TNFRSF8: variants seen among roughly 807,000 people sequenced by gnomAD.
The protein encoded by TNFRSF8 is TNF receptor superfamily member 8, also known as tumor necrosis factor receptor superfamily member 8.
Under a neutral mutation model 70.8 loss-of-function variants are expected in TNFRSF8, and 26 were observed. The observed-to-expected ratio is 0.37, with a 90% CI of 0.27 to 0.51. The LOEUF is 0.51. Among genes scored for constraint, TNFRSF8 ranks in the 20% least tolerant of loss-of-function variants. The pLI, the probability that TNFRSF8 is intolerant of heterozygous loss-of-function variation, is 0.94. For synonymous variants in TNFRSF8, 356 were observed against 339.2 expected (o/e 1.05, Z -0.54); for missense variants, 720 against 807.9 (o/e 0.89, Z 1.32).
At chr1:12,086,914 C>T (rs1641161778) in intron 2 of TNFRSF8, among the ~76,000 whole-genome samples, 1 of 152,064 alleles carries the variant, frequency 6.6e-6, no homozygotes, top group South Asian at 2.1e-4. Context: ...TACAGTCACA[C>T]TGGGGTTAGG....
Position 12,142,263 on chromosome 1 carries a change from C to G in TNFRSF8, c.1544-24C>G. 6.4e-7 allele frequency: 1 copy of G among 1,555,244 alleles called. No individual in the cohort carries two copies. Among genetic ancestry groups the G allele is most frequent in the Non-Finnish European group, 8.7e-7 (1 of 1,146,498 alleles). Reference sequence around the variant, plus strand: ...CTGGCTGGTGCTCTGGCCTCCCTCGCTCACCCATCCTTTTGCCTTGCAGAG... The same window carrying G: ...CTGGCTGGTGCTCTGGCCTCCCTCGGTCACCCATCCTTTTGCCTTGCAGAG... On this transcript the variant is annotated intron_variant, in intron 14 of 14. Coordinates refer to ENST00000263932, the MANE Select transcript of TNFRSF8 (RefSeq NM_001243.5). The surrounding 1 kb of genome is among the most constrained non-coding windows in gnomAD (Gnocchi z 5.0).
intron 1 of TNFRSF8, among the ~76,000 whole-genome samples, chr1:12,067,122 A>G (rs1640755824): frequency 6.6e-6 from 1 of 152,126 alleles, no homozygotes; most frequent in African/African-American, 2.4e-5. Context: ...ATGACCCAGG[A>G]TTAACTGGTG....
At chr1:12,130,187 C>T (rs893806729) in intron 12 of TNFRSF8, among the ~76,000 whole-genome samples, 6 of 152,192 alleles carry the variant, frequency 3.9e-5, no homozygotes, top group East Asian at 3.8e-4. Flanking sequence ...GGATGACAGG[C>T]GTGAGCTGCC....
At position 12,142,397 on chromosome 1, in the gene TNFRSF8, C is replaced by G; in HGVS notation, c.1654C>G (p.Leu552Val). The change falls in exon 15 of 15, where the codon CTG becomes GTG. Residue 552 changes from leucine to valine, a missense_variant. Leu to Val is a conservative substitution (Grantham distance 32). Coordinates refer to ENST00000263932, the MANE Select transcript of TNFRSF8 (RefSeq NM_001243.5). This position sits in a 1 kb window ranked among gnomAD's most constrained non-coding sequence, Gnocchi z 5.0. ...AGCAGAGCCCGAGTTGGAGGAGGAGCTGGAGGCGGACCATACCCCCCACTA... is the reference window on the plus strand; with the variant it reads ...AGCAGAGCCCGAGTTGGAGGAGGAGGTGGAGGCGGACCATACCCCCCACTA... ...GPAEPELEEELEADHTPHYPE... is the reference protein window; with the variant it reads ...GPAEPELEEEVEADHTPHYPE... 6.2e-7 allele frequency: 1 copy of G among 1,612,482 alleles called. No individual in the cohort carries two copies. The highest frequency in any genetic ancestry group is 8.5e-7 in the Non-Finnish European group (1 of 1,179,492).
In TNFRSF8 at chr1:12,109,711, C is replaced by T; in HGVS notation, c.512+55C>T. The T allele has an allele frequency of 1.4e-6, 2 of 1,462,254 alleles. No homozygotes were observed. The highest frequency in any genetic ancestry group is 2.3e-5 in the South Asian group (2 of 86,838). The allele number at this position is 1,462,254 out of a possible 1,614,324, so 90.6% of individuals were successfully genotyped here. On this transcript the variant is annotated intron_variant, in intron 5 of 14. Coordinates refer to ENST00000263932, the MANE Select transcript of TNFRSF8 (RefSeq NM_001243.5). The surrounding 1 kb of genome is among the most constrained non-coding windows in gnomAD (Gnocchi z 4.4). ...CCCCCAAGCTGGCTTTCAGATGAGG[C>T]TGCCCCACCCCACAGGACGCCCATG...
At chr1:12,079,014 T>C (rs541079292) in intron 1 of TNFRSF8, among the ~76,000 whole-genome samples, 1 of 152,074 alleles carries the variant, frequency 6.6e-6, no homozygotes, top group African/African-American at 2.4e-5. Context: ...GCGGTGGAGA[T>C]CCCCAGGAGA....
rs1461809977 is a variant in TNFRSF8, at chr1:12,138,321, G to A, written c.1428G>A (p.Gly476=). 2 of 1,613,806 alleles carry A rather than the reference G, an allele frequency of 1.2e-6. No individual in the cohort carries two copies. The highest frequency in any genetic ancestry group is 1.7e-6 in the Non-Finnish European group (2 of 1,179,978). The stretch of plus-strand genomic sequence containing the variant: ...TGATGGAGACCTGCCACAGCGTGGG[G>A]GCAGCCTACCTGGAGAGCCTGCCGC... ...QPLMETCHSV[G]AAYLESLPLQ... The change falls in exon 14 of 15, where the codon GGG becomes GGA. Residue 476 remains glycine, a synonymous_variant. Transcript: ENST00000263932. This position sits in a 1 kb window ranked among gnomAD's most constrained non-coding sequence, Gnocchi z 5.7.
At chr1:12,127,142 C>G (rs762977946) in intron 12 of TNFRSF8, among the ~76,000 whole-genome samples, 2 of 152,232 alleles carry the variant, frequency 1.3e-5, no homozygotes, top group Non-Finnish European at 2.9e-5. Context: ...GTGCCAAGCA[C>G]CTTCTCTCTC....
chr1:12,065,835 T>G (rs1284962795), intron 1 of TNFRSF8, among the ~76,000 whole-genome samples: 1 of 152,226 alleles, frequency 6.6e-6, no homozygotes, highest in Non-Finnish European at 1.5e-5. Context: ...TCTTTCTTTG[T>G]TCTCTACTAC....
chr1:12,127,337 G>T (rs1431733513), intron 12 of TNFRSF8, among the ~76,000 whole-genome samples: 1 of 152,226 alleles, frequency 6.6e-6, no homozygotes, highest in African/African-American at 2.4e-5. Context: ...CAAGGAGGAG[G>T]CAGGGCTCAG....
At position 12,110,069 on chromosome 1, in the gene TNFRSF8, C is replaced by T. The variant is rs752220875; in HGVS notation, c.541C>T (p.Pro181Ser). 9.9e-6 allele frequency: 16 copies of T among 1,613,262 alleles called. No homozygotes were observed. The highest frequency in any genetic ancestry group is 1.4e-5 in the Non-Finnish European group (16 of 1,179,658). Residue 181 changes from proline (P) to serine (S), a missense_variant, in exon 6 of 15, where the codon CCG becomes TCG. Physicochemically the swap from Pro to Ser is moderately conservative, Grantham distance 74 (BLOSUM62 -1). Transcript: ENST00000263932. The surrounding 1 kb of genome is among the most constrained non-coding windows in gnomAD (Gnocchi z 4.0). The stretch of plus-strand genomic sequence containing the variant: ...CACCATCCCCCAGGCCAAGCCCACC[C>T]CGGTGTCCCCAGCAACCTCCAGTGC... ...SGTIPQAKPT[P>S]VSPATSSAST... is the part of the protein sequence containing the mutation.
intron 1 of TNFRSF8, among the ~76,000 whole-genome samples, chr1:12,073,411 A>G (rs938217869): frequency 1.3e-5 from 2 of 151,354 alleles, no homozygotes; most frequent in Non-Finnish European, 3.0e-5. Context: ...CTTTTCCTTC[A>G]GGTCCACTAT....
chr1:12,079,040 T>TG (rs1641016759), intron 1 of TNFRSF8, among the ~76,000 whole-genome samples: 2 of 151,484 alleles, frequency 1.3e-5, no homozygotes, highest in South Asian at 4.2e-4. Context: ...AGGGGAGGGG[T>TG]GCTTACCTCG....
At chr1:12,079,523 A>G (rs1376036490) in intron 1 of TNFRSF8, among the ~76,000 whole-genome samples, 2 of 152,212 alleles carry the variant, frequency 1.3e-5, no homozygotes, top group African/African-American at 2.4e-5. Context: ...GGGCCTGGAA[A>G]TTCACAGGGC....
chr1:12,097,000 TG>T, intron 2 of TNFRSF8, 100 bp from the exon 3 acceptor site: 1 of 816,172 alleles, frequency 1.2e-6, no homozygotes, highest in Non-Finnish European at 2.0e-6. Flanking sequence ...GGGTTGGAGG[TG>T]GAGCTGGGAG....
chr1:12,102,757 C>G lies in TNFRSF8; in HGVS notation c.269-1622C>G, dbSNP rs1641447242. On this transcript the variant is annotated intron_variant, in intron 3 of 14. Coordinates refer to ENST00000263932, the MANE Select transcript of TNFRSF8 (RefSeq NM_001243.5). ...GCCGGGCTGGTCTCAAACTCCTGACCTCAGGTGATCTGCCCACCTCGGCCT... is the reference window on the plus strand; with the variant it reads ...GCCGGGCTGGTCTCAAACTCCTGACGTCAGGTGATCTGCCCACCTCGGCCT... Among the ~76,000 whole-genome samples, 6 of 152,270 alleles carry G rather than the reference C, an allele frequency of 3.9e-5. No homozygotes were observed. In the South Asian group the frequency reaches 1.2e-3, roughly 32 times the overall value.
chr1:12,126,660 G>A (rs918288435), intron 12 of TNFRSF8, among the ~76,000 whole-genome samples: 2 of 152,050 alleles, frequency 1.3e-5, no homozygotes, highest in African/African-American at 4.8e-5. Flanking sequence ...CACCTGGCAA[G>A]TCAGCCCAGG....
Position 12,097,180 on chromosome 1 carries a change from G to A in TNFRSF8, c.231G>A (p.Glu77=). Residue 77 remains glutamate (E), a synonymous_variant, in exon 3 of 15, where the codon GAG becomes GAA. Transcript: ENST00000263932. The stretch of plus-strand genomic sequence containing the variant: ...GTGAGCCTGACTACTACCTGGATGA[G>A]GCCGACCGCTGTACAGCCTGCGTGA... ...KQCEPDYYLD[E]ADRCTACVTC... 2.5e-6 allele frequency: 4 copies of A among 1,614,102 alleles called. No individual in the cohort carries two copies. Among genetic ancestry groups the A allele is most frequent in the Non-Finnish European group, 3.4e-6 (4 of 1,179,970 alleles).
At chr1:12,125,573 C>T (rs1266432991) in intron 10 of TNFRSF8, among the ~76,000 whole-genome samples, 1 of 152,208 alleles carries the variant, frequency 6.6e-6, no homozygotes, top group Non-Finnish European at 1.5e-5. Flanking sequence ...CTCTTCCTTC[C>T]CCTCACTGCT....
Sources: gnomAD v4.1 joint callset for allele counts (sites outside exome capture counted in the v4.1 genomes callset) on GRCh38, gnomAD v4.1.1 for gene constraint, Gnocchi (gnomAD v3.1) non-coding constraint, MANE v1.5 for transcripts, NCBI Gene and HGNC (gene_info 2026-07-23, HGNC 2026-07-21) for gene names.